Variants in KLHL1 observed in about 807,000 individuals in gnomAD.
KLHL1 encodes the protein kelch-like protein 1.
A neutral mutation model predicts 77.7 loss-of-function variants in KLHL1; 47 were observed. The observed-to-expected ratio is 0.60, with a 90% CI of 0.48 to 0.77. The LOEUF (loss-of-function observed/expected upper bound fraction) is 0.77. Ranked by LOEUF, KLHL1 falls within the 30% of genes least tolerant of loss-of-function variation. The probability of loss-of-function intolerance (pLI) is 0.00; values close to 1 mark genes in which losing one functional copy is unlikely to be tolerated. For missense variants in KLHL1, 925 were observed against 910.8 expected (o/e 1.02, Z -0.20); for synonymous variants, 360 against 325.2 (o/e 1.11, Z -1.15).
At chr13:69,779,388 C>G (rs1405265920) in intron 7 of KLHL1, among the ~76,000 whole-genome samples, 2 of 150,624 alleles carry the variant, frequency 1.3e-5, no homozygotes, top group Admixed American at 1.3e-4. Context: ...CTCTCCTCCC[C>G]TGTCCTCCCC....
At chr13:69,975,942 C>A (rs1447551420) in intron 1 of KLHL1, 140 bp from the exon 2 acceptor site, 2 of 1,118,736 alleles carry the variant, frequency 1.8e-6, no homozygotes, top group African/African-American at 3.3e-5. Flanking sequence ...TATTTTAATA[C>A]AACTTCAATA....
intron 7 of KLHL1, among the ~76,000 whole-genome samples, chr13:69,748,537 T>G (rs1346034852): frequency 6.6e-6 from 1 of 151,846 alleles, no homozygotes; most frequent in Non-Finnish European, 1.5e-5. Context: ...TCCCATAACA[T>G]GTGAGAATTA....
At chr13:69,963,779 T>C (rs562581090) in intron 2 of KLHL1, among the ~76,000 whole-genome samples, 16 of 152,292 alleles carry the variant, frequency 1.1e-4, no homozygotes, top group African/African-American at 3.6e-4. Flanking sequence ...CAATTTTTGA[T>C]GCTCTCCATT....
intron 3 of KLHL1, among the ~76,000 whole-genome samples, chr13:69,940,833 T>G (rs1007930680): frequency 6.7e-6 from 1 of 149,786 alleles, no homozygotes; most frequent in Non-Finnish European, 1.5e-5. Context: ...AGTGCTTTAG[T>G]GTTTCCTCTG....
chr13:69,885,256 C>T (rs1179235704), intron 4 of KLHL1, among the ~76,000 whole-genome samples: 1 of 152,054 alleles, frequency 6.6e-6, no homozygotes, highest in African/African-American at 2.4e-5. Context: ...TTCTTTTTAT[C>T]TCTGCATCTA....
chr13:70,086,720 T>C, intron 1 of KLHL1, among the ~76,000 whole-genome samples: 1 of 151,826 alleles, frequency 6.6e-6, no homozygotes. Flanking sequence ...TTTTTTTTTT[T>C]TCAAATCTTA....
chr13:70,044,483 A>G (rs920945039), intron 1 of KLHL1, among the ~76,000 whole-genome samples: 1 of 152,196 alleles, frequency 6.6e-6, no homozygotes, highest in Non-Finnish European at 1.5e-5. Flanking sequence ...TTAAATAAAC[A>G]AGTTTACATG....
chr13:69,917,065 G>A (rs993043972), intron 4 of KLHL1, among the ~76,000 whole-genome samples: 1 of 151,932 alleles, frequency 6.6e-6, no homozygotes, highest in African/African-American at 2.4e-5. Flanking sequence ...GTACGTGTAA[G>A]TGTATTTTAT....
chr13:69,990,217 A>G (rs1046351106), intron 1 of KLHL1, among the ~76,000 whole-genome samples: 2 of 152,008 alleles, frequency 1.3e-5, no homozygotes, highest in African/African-American at 4.8e-5. Flanking sequence ...ACTATGAAAC[A>G]CACTTAAGTA....
intron 4 of KLHL1, among the ~76,000 whole-genome samples, chr13:69,932,968 A>G (rs1439741570): frequency 6.6e-6 from 1 of 152,002 alleles, no homozygotes; most frequent in African/African-American, 2.4e-5. Context: ...TAATTCAGGG[A>G]CAAAGAATGT....
intron 7 of KLHL1, among the ~76,000 whole-genome samples, chr13:69,741,005 C>T (rs1468989549): frequency 1.3e-5 from 2 of 152,068 alleles, no homozygotes; most frequent in African/African-American, 2.4e-5. Context: ...TACTTTGTTA[C>T]TTACAACAAT....
chr13:70,050,479 A>G (rs1488967499), intron 1 of KLHL1, among the ~76,000 whole-genome samples: 7 of 151,890 alleles, frequency 4.6e-5, no homozygotes, highest in Non-Finnish European at 1.5e-5. Flanking sequence ...ATTTCTTCAT[A>G]AAGAGTATGA....
At chr13:69,909,738 T>C (rs1365133974) in intron 4 of KLHL1, among the ~76,000 whole-genome samples, 1 of 152,082 alleles carries the variant, frequency 6.6e-6, no homozygotes, top group Non-Finnish European at 1.5e-5. Flanking sequence ...CACAAAACTG[T>C]ATACTCTGAA....
chr13:70,084,988 A>G, intron 1 of KLHL1, among the ~76,000 whole-genome samples: 1 of 152,158 alleles, frequency 6.6e-6, no homozygotes, highest in African/African-American at 2.4e-5. Flanking sequence ...GGATGAATTG[A>G]GTTTGTGGAA....
chr13:69,975,538 T>C, intron 2 of KLHL1, 82 bp downstream of exon 2: 3 of 1,155,146 alleles, frequency 2.6e-6, no homozygotes, highest in South Asian at 1.5e-5. Context: ...TCTGTAGTCA[T>C]ATAATATTCT....
At chr13:69,963,445 T>G (rs1205803477) in intron 2 of KLHL1, among the ~76,000 whole-genome samples, 2 of 152,218 alleles carry the variant, frequency 1.3e-5, no homozygotes, top group African/African-American at 2.4e-5. Context: ...GCAACCAGAA[T>G]TTTGTTTTCC....
At chr13:69,941,507 C>T (rs139387037) in intron 3 of KLHL1, among the ~76,000 whole-genome samples, 1,565 of 151,730 alleles carry the variant, frequency 0.01, 25 homozygotes, top group African/African-American at 0.035. Flanking sequence ...TCAAAAAGTC[C>T]GAAAGAGCAC....
At chr13:70,064,545 A>G (rs539489342) in intron 1 of KLHL1, among the ~76,000 whole-genome samples, 14 of 152,274 alleles carry the variant, frequency 9.2e-5, no homozygotes, top group African/African-American at 3.4e-4. Context: ...ATTGTGATAA[A>G]CCTCATTGTC....
intron 1 of KLHL1, among the ~76,000 whole-genome samples, chr13:70,026,038 T>G (rs1000590867): frequency 6.6e-6 from 1 of 152,142 alleles, no homozygotes; most frequent in African/African-American, 2.4e-5. Flanking sequence ...CCCTGCTCAC[T>G]GCAGGGACAT....
Sources: allele counts gnomAD v4.1 joint callset (sites outside exome capture counted in the v4.1 genomes callset), GRCh38; gene constraint gnomAD v4.1.1; transcripts MANE v1.5; gene names NCBI Gene and HGNC (gene_info 2026-07-23, HGNC 2026-07-21).